Variants in TNFAIP2 observed in about 807,000 individuals in gnomAD.
TNFAIP2 encodes the protein tumor necrosis factor alpha-induced protein 2.
TNFAIP2 carries 47 observed loss-of-function variants against 63.5 expected under a neutral mutation model. The ratio of observed to expected loss-of-function variants is 0.74; its 90% confidence interval spans 0.59 to 0.94. The LOEUF (loss-of-function observed/expected upper bound fraction) is 0.94, where lower values mean the gene tolerates loss of function less well. Among genes scored for constraint, TNFAIP2 ranks in the 40% least tolerant of loss-of-function variants. The probability of loss-of-function intolerance (pLI) is 0.00; values close to 1 mark genes in which losing one functional copy is unlikely to be tolerated. For synonymous variants in TNFAIP2, 405 were observed against 390.2 expected, an observed-to-expected ratio of 1.04 and a Z score of -0.45; for missense variants, 787 against 850.2, an observed-to-expected ratio of 0.93 and a Z score of 0.92.
At chr14:103,122,411 A>C (rs571412424), upstream of TNFAIP2, among the ~76,000 whole-genome samples, 1 of 152,296 alleles carries the variant, frequency 6.6e-6, no homozygotes, top group South Asian at 2.1e-4. Context: ...AAAAGAGGGG[A>C]GGAGCAGAGG....
At position 103,133,693 on chromosome 14, in the gene TNFAIP2, G is replaced by A. The variant is rs2234145; in HGVS notation, c.1713G>A (p.Ala571=). The A allele has an allele frequency of 3.6e-4, 567 of 1,569,010 alleles. No individual in the cohort carries two copies. In the African/African-American group the frequency reaches 6.9e-3, roughly 19 times the overall value. ...ACCCACTCCTGCAGGGCTCCCCGGC[G>A]ACCTGGCTGCAGCCTGCTCTCCCTA... ...QHFCTQHGSP[A]TWLQPALPTL... The change falls in exon 11 of 12, where the codon GCG becomes GCA. Residue 571 remains alanine, a synonymous_variant. Transcript: ENST00000560869.
intron 9 of TNFAIP2, 113 bp downstream of exon 9, chr14:103,132,985 A>AT: frequency 6.7e-7 from 1 of 1,484,006 alleles, no homozygotes; most frequent in Non-Finnish European, 9.1e-7. Context: ...CGCACATGTG[A>AT]ACACACGTGA....
chr14:103,126,840 GGGCTGGGA>G, intron 2 of TNFAIP2, 148 bp downstream of exon 2: 1 of 1,335,130 alleles, frequency 7.5e-7, no homozygotes, highest in Non-Finnish European at 1.0e-6. Flanking sequence ...GCAATCTGGG[GGGCTGGGA>G]GGCCTTCAGC....
upstream of TNFAIP2, among the ~76,000 whole-genome samples, chr14:103,122,444 C>G (rs550692066): frequency 2.0e-5 from 3 of 152,318 alleles, no homozygotes; most frequent in Admixed American, 2.0e-4. Flanking sequence ...AGGAGGGAAG[C>G]CCCTGCCCAG....
Position 103,135,488 on chromosome 14 carries a change from C to T in TNFAIP2, c.*128C>T. On this transcript the variant is annotated 3_prime_UTR_variant, in exon 12 of 12. Coordinates refer to ENST00000560869, the MANE Select transcript of TNFAIP2 (RefSeq NM_006291.4). This position sits in a 1 kb window ranked among gnomAD's most constrained non-coding sequence, Gnocchi z 7.6. ...TCCTGTGCTCTGATGCTACTTCTGC[C>T]TAGCCCTGGCGGAGGTGCAGGCCCT... 3 of 1,500,830 alleles carry T rather than the reference C, an allele frequency of 2.0e-6. No individual in the cohort carries two copies. Among genetic ancestry groups the T allele is most frequent in the Admixed American group, 2.3e-5 (1 of 43,678 alleles). 93.0% of individuals were successfully genotyped at this position (1,500,830 alleles called of 1,614,324 possible). A position where few individuals can be genotyped will look rare whatever the true frequency, so the allele number is the denominator to read the frequency against.
Position 103,131,886 on chromosome 14 carries a change from G to T in TNFAIP2, c.1422+124G>T. ...GGGGAAGACACGCTCCAGGCCTGTG[G>T]ACGGCACCGTGGGCCAGCTCTGGTG... On this transcript the variant is annotated intron_variant, in intron 8 of 11. Transcript: ENST00000560869. The surrounding 1 kb of genome is among the most constrained non-coding windows in gnomAD (Gnocchi z 4.0). 7.3e-7 allele frequency: 1 copy of T among 1,374,630 alleles called. No individual in the cohort carries two copies. The highest frequency in any genetic ancestry group is 9.7e-7 in the Non-Finnish European group (1 of 1,033,100). 85.2% of individuals were successfully genotyped at this position (1,374,630 alleles called of 1,614,324 possible). A position where few individuals can be genotyped will look rare whatever the true frequency, so the allele number is the denominator to read the frequency against.
chr14:103,135,598 A>G lies in TNFAIP2; in HGVS notation c.*238A>G. ...CATCCTGGGCAGCCAACCAGGCAAC[A>G]CCAAGGACTCTTTGTAAACGATAGC... On this transcript the variant is annotated 3_prime_UTR_variant, in exon 12 of 12. Coordinates refer to ENST00000560869, the MANE Select transcript of TNFAIP2 (RefSeq NM_006291.4). The surrounding 1 kb of genome is among the most constrained non-coding windows in gnomAD (Gnocchi z 7.6). 1 of 1,402,348 alleles carries G rather than the reference A, an allele frequency of 7.1e-7. No homozygotes were observed. Among genetic ancestry groups the G allele is most frequent in the Non-Finnish European group, 9.3e-7 (1 of 1,079,368 alleles). The allele number at this position is 1,402,348 out of a possible 1,614,324, so 86.9% of individuals were successfully genotyped here.
chr14:103,126,965 G>T (rs1356847159), intron 2 of TNFAIP2, 40 bp from the exon 3 acceptor site: 8 of 1,269,430 alleles, frequency 6.3e-6, no homozygotes, highest in Admixed American at 4.1e-5. Context: ...CCGGTGGGCG[G>T]TGGGCTGGGG....
At chr14:103,126,728 C>A in intron 2 of TNFAIP2, 36 bp downstream of exon 2, 1 of 1,546,344 alleles carries the variant, frequency 6.5e-7, no homozygotes, top group Non-Finnish European at 8.7e-7. Context: ...TAGTCTGGGG[C>A]CTGGACGGGG....
Position 103,131,633 on chromosome 14 carries a change from T to A in TNFAIP2, c.1299-6T>A. On this transcript the variant is annotated splice_region_variant and splice_polypyrimidine_tract_variant and intron_variant, in intron 7 of 11. Coordinates refer to ENST00000560869, the MANE Select transcript of TNFAIP2 (RefSeq NM_006291.4). This position sits in a 1 kb window ranked among gnomAD's most constrained non-coding sequence, Gnocchi z 4.0. ...CTGGGGTGACCTCTCTGCCTCCACC[T>A]TCCAGGATGTCCATGGAGCAGAATT... 6.3e-7 allele frequency: 1 copy of A among 1,588,478 alleles called. No individual in the cohort carries two copies. The highest frequency in any genetic ancestry group is 8.5e-7 in the Non-Finnish European group (1 of 1,173,444).
rs2087875067 is a variant in TNFAIP2 at position 103,127,200 on chromosome 14, T to C, written c.431T>C (p.Leu144Pro). Reference protein sequence around the residue: ...DQVLGVLRRPLEAPPERLRQA... With the variant: ...DQVLGVLRRPPEAPPERLRQA... The stretch of plus-strand genomic sequence containing the variant: ...GTGCTGGGCGTGCTGCGGCGGCCGC[T>C]GGAGGCGCCGCCCGAGCGGCTGCGC... The change falls in exon 3 of 12, where the codon CTG (leucine) becomes CCG (proline). Residue 144 changes from leucine to proline, a missense_variant. Leu to Pro is a moderately conservative substitution (Grantham distance 98). Coordinates refer to ENST00000560869, the MANE Select transcript of TNFAIP2 (RefSeq NM_006291.4). The surrounding 1 kb of genome is among the most constrained non-coding windows in gnomAD (Gnocchi z 5.1). 1 of 1,119,056 alleles carries C rather than the reference T, an allele frequency of 8.9e-7. No individual in the cohort carries two copies. The highest frequency in any genetic ancestry group is 6.4e-5 in the East Asian group (1 of 15,614). 69.3% of individuals were successfully genotyped at this position (1,119,056 alleles called of 1,614,324 possible).
In TNFAIP2 at chr14:103,131,745, C is replaced by T. The variant is rs1327116058; in HGVS notation, c.1405C>T (p.Leu469=). 1.9e-6 allele frequency: 3 copies of T among 1,612,356 alleles called. No individual in the cohort carries two copies. Among genetic ancestry groups the T allele is most frequent in the Non-Finnish European group, 1.7e-6 (2 of 1,179,674 alleles). ...CGGCTTTGACACCCTGCTCCAGAAC[C>T]TGCATGAGGACCTGAAGGTAGCGGG... ...SHGFDTLLQN[L]HEDLKPLFKR... is the part of the protein sequence containing the mutation. The change falls in exon 8 of 12, where the codon CTG becomes TTG. Residue 469 remains leucine (L), a synonymous_variant. Coordinates refer to ENST00000560869, the MANE Select transcript of TNFAIP2 (RefSeq NM_006291.4). The surrounding 1 kb of genome is among the most constrained non-coding windows in gnomAD (Gnocchi z 4.0).
chr14:103,133,454 G>A lies in TNFAIP2; in HGVS notation c.1638G>A (p.Gln546=). 1 of 1,613,960 alleles carries A rather than the reference G, an allele frequency of 6.2e-7. No homozygotes were observed. Among genetic ancestry groups the A allele is most frequent in the Non-Finnish European group, 8.5e-7 (1 of 1,180,028 alleles). Residue 546 remains glutamine (Q), a synonymous_variant, in exon 10 of 12, where the codon CAG becomes CAA. Transcript: ENST00000560869. ...GRLVLKTAEQ[Q]QQLAGYILAN... The stretch of plus-strand genomic sequence containing the variant: ...TGGTCCTCAAGACGGCCGAGCAGCA[G>A]CAGCAGCTGGCTGGGTACATCCTGG...
Position 103,136,008 on chromosome 14 carries a change from T to C in TNFAIP2, c.*648T>C, listed in dbSNP as rs2088088533. On this transcript the variant is annotated 3_prime_UTR_variant, in exon 12 of 12. Transcript: ENST00000560869. Reference sequence around the variant, plus strand: ...GGCCCTGCAATGGGGCCCTGAGCCCTCCCTCTTCATCCCCCAAGGCCTCAA... The same window carrying C: ...GGCCCTGCAATGGGGCCCTGAGCCCCCCCTCTTCATCCCCCAAGGCCTCAA... 7.8e-7 allele frequency: 1 copy of C among 1,285,214 alleles called. No homozygotes were observed. Among genetic ancestry groups the C allele is most frequent in the South Asian group, 1.2e-5 (1 of 80,768 alleles). The allele number at this position is 1,285,214 out of a possible 1,614,324, so 79.6% of individuals were successfully genotyped here.
At chr14:103,122,857 C>T (rs1026065708), upstream of TNFAIP2, 1 of 455,102 alleles carries the variant, frequency 2.2e-6, no homozygotes, top group Non-Finnish European at 4.4e-6. Flanking sequence ...TCAGCCACTT[C>T]ACCTTTCCGC....
In TNFAIP2 at chr14:103,135,128, T is replaced by TC. The variant is rs2088067920; in HGVS notation, c.1824-90dup. Reference sequence around the variant, plus strand: ...CCCCTCGTGGGCCGGGCGTTGGCTGTCGGGCCCTGTGGCACTGGCCGGGAG... The same window carrying TC: ...CCCCTCGTGGGCCGGGCGTTGGCTGTCCGGGCCCTGTGGCACTGGCCGGGAG... On this transcript the variant is annotated intron_variant, in intron 11 of 11. Coordinates refer to ENST00000560869, the MANE Select transcript of TNFAIP2 (RefSeq NM_006291.4). This position sits in a 1 kb window ranked among gnomAD's most constrained non-coding sequence, Gnocchi z 7.6. 13 of 1,551,854 alleles carry TC rather than the reference T, an allele frequency of 8.4e-6. No individual in the cohort carries two copies. The South Asian group carries it at 1.5e-4, about 17-fold the overall frequency.
chr14:103,128,208 A>T (rs975904496), intron 3 of TNFAIP2, among the ~76,000 whole-genome samples: 1 of 152,158 alleles, frequency 6.6e-6, no homozygotes, highest in African/African-American at 2.4e-5. Context: ...CTTCCAGGGC[A>T]CTCTGGAGCT....
rs891090273 is a variant in TNFAIP2 at position 103,130,124 on chromosome 14, G to C, written c.1098G>C (p.Gln366His). Residue 366 changes from glutamine to histidine, a missense_variant and splice_region_variant, in exon 5 of 12, where the codon CAG (glutamine) becomes CAC (histidine). Transcript: ENST00000560869. ...CHSELAIDII[Q>H]ITSQAQAKAE... ...GCGAGCTGGCCATCGACATCATCCA[G>C]GTACTGCAATCTGCCCCAGGGCACA... The C allele has an allele frequency of 1.2e-6, 2 of 1,612,328 alleles. No homozygotes were observed. The highest frequency in any genetic ancestry group is 1.7e-5 in the Admixed American group (1 of 59,900).
chr14:103,122,640 C>G (rs774371695), upstream of TNFAIP2: 13 of 455,910 alleles, frequency 2.9e-5, no homozygotes, highest in South Asian at 1.7e-4. Flanking sequence ...GGAGACAGGC[C>G]TGGAAACGGA....
Sources: allele counts gnomAD v4.1 joint callset (sites outside exome capture counted in the v4.1 genomes callset), GRCh38; gene constraint gnomAD v4.1.1; non-coding constraint Gnocchi (gnomAD v3.1); transcripts MANE v1.5; gene names NCBI Gene and HGNC (gene_info 2026-07-23, HGNC 2026-07-21).